AP2B1: variants seen among roughly 807,000 people sequenced by gnomAD.
AP2B1 encodes the protein adaptor related protein complex 2 subunit beta 1, also known as AP-2 complex subunit beta.
A neutral mutation model predicts 102.0 loss-of-function variants in AP2B1; 23 were observed. The ratio of observed to expected loss-of-function variants is 0.23; its 90% confidence interval spans 0.16 to 0.32. AP2B1 has a LOEUF of 0.32. Among genes scored for constraint, AP2B1 ranks in the 10% least tolerant of loss-of-function variants. The pLI, the probability that AP2B1 is intolerant of heterozygous loss-of-function variation, is 1.00. For missense variants in AP2B1, 541 were observed against 1,157.4 expected, an observed-to-expected ratio of 0.47 and a Z score of 7.73; for synonymous variants, 381 against 421.2, an observed-to-expected ratio of 0.90 and a Z score of 1.17.
At chr17:35,668,127 G>A (rs1437397015) in intron 14 of AP2B1, among the ~76,000 whole-genome samples, 4 of 151,542 alleles carry the variant, frequency 2.6e-5, no homozygotes, top group Non-Finnish European at 5.9e-5. Flanking sequence ...TAGTAGAGAC[G>A]GGTTTCACCA....
At chr17:35,690,631 T>C (rs2076022263) in intron 18 of AP2B1, among the ~76,000 whole-genome samples, 1 of 152,132 alleles carries the variant, frequency 6.6e-6, no homozygotes, top group African/African-American at 2.4e-5. Flanking sequence ...TTTTTAACAC[T>C]CTCCTCCTCT....
intron 16 of AP2B1, among the ~76,000 whole-genome samples, chr17:35,673,057 T>A (rs559524573): frequency 1.3e-5 from 2 of 152,250 alleles, no homozygotes; most frequent in East Asian, 3.9e-4. Context: ...ATTTAATCAC[T>A]CCTCTGTTGA....
chr17:35,711,537 C>T (rs1426686006), intron 20 of AP2B1, among the ~76,000 whole-genome samples: 2 of 151,768 alleles, frequency 1.3e-5, no homozygotes, highest in African/African-American at 4.8e-5. Flanking sequence ...GGCACAATCT[C>T]GGCTCACTGC....
intron 9 of AP2B1, among the ~76,000 whole-genome samples, chr17:35,631,723 A>G (rs190488238): frequency 6.6e-6 from 1 of 152,038 alleles, no homozygotes; most frequent in Admixed American, 6.6e-5. Context: ...AGTTGTTTCT[A>G]CTCTTTTTCC....
chr17:35,719,952 C>T (rs781814873), intron 21 of AP2B1, among the ~76,000 whole-genome samples: 2 of 152,166 alleles, frequency 1.3e-5, no homozygotes, highest in Non-Finnish European at 2.9e-5. Context: ...TTCAAATCTT[C>T]ATGTTTACTT....
At chr17:35,611,197 A>C (rs1247216569) in intron 5 of AP2B1, among the ~76,000 whole-genome samples, 1 of 152,246 alleles carries the variant, frequency 6.6e-6, no homozygotes, top group Admixed American at 6.5e-5. Context: ...GCAACTATCT[A>C]TAATTCTCTA....
At chr17:35,628,502 C>T (rs1373117961) in intron 9 of AP2B1, among the ~76,000 whole-genome samples, 4 of 152,194 alleles carry the variant, frequency 2.6e-5, no homozygotes, top group Non-Finnish European at 4.4e-5. Flanking sequence ...ACTTGGAAGG[C>T]TGAGGCAGGA....
chr17:35,723,262 A>G (rs2085456128), intron 21 of AP2B1, among the ~76,000 whole-genome samples: 1 of 152,262 alleles, frequency 6.6e-6, no homozygotes, highest in South Asian at 2.1e-4. Context: ...TGAAAGGACC[A>G]TCAACAAGTT....
At chr17:35,723,053 G>C (rs1461779716) in intron 21 of AP2B1, among the ~76,000 whole-genome samples, 1 of 152,134 alleles carries the variant, frequency 6.6e-6, no homozygotes, top group Non-Finnish European at 1.5e-5. Context: ...ATTGAGGTTG[G>C]GTTATACTAA....
At chr17:35,709,166 T>C (rs1555586196) in intron 18 of AP2B1, 58 bp from the exon 19 acceptor site, 1 of 1,471,100 alleles carries the variant, frequency 6.8e-7, no homozygotes, top group African/African-American at 1.4e-5. Flanking sequence ...GCGCTGTTCT[T>C]TTCCTCCTAC....
chr17:35,705,661 A>G (rs1407066072), intron 18 of AP2B1, among the ~76,000 whole-genome samples: 1 of 152,080 alleles, frequency 6.6e-6, no homozygotes, highest in African/African-American at 2.4e-5. Context: ...AGCTGGGACT[A>G]CAGGTGCATG....
chr17:35,655,594 C>T (rs570041141), intron 13 of AP2B1, among the ~76,000 whole-genome samples: 1 of 152,076 alleles, frequency 6.6e-6, no homozygotes, highest in Non-Finnish European at 1.5e-5. Context: ...TTTGTGGCTG[C>T]TGTGAATATT....
intron 12 of AP2B1, among the ~76,000 whole-genome samples, chr17:35,646,352 G>A (rs2074932509): frequency 6.6e-6 from 1 of 151,722 alleles, no homozygotes; most frequent in African/African-American, 2.4e-5. Context: ...CTGGCTTACA[G>A]TAGGCCTAAC....
At chr17:35,693,530 A>C (rs772023759) in intron 18 of AP2B1, among the ~76,000 whole-genome samples, 1 of 152,012 alleles carries the variant, frequency 6.6e-6, no homozygotes, top group Non-Finnish European at 1.5e-5. Flanking sequence ...AAAGGCATTT[A>C]TATAATGTCA....
intron 18 of AP2B1, among the ~76,000 whole-genome samples, chr17:35,697,983 CT>C (rs1004693130): frequency 7.8e-4 from 118 of 152,176 alleles, no homozygotes; most frequent in African/African-American, 2.6e-3. Context: ...AAAAAGTTGT[CT>C]TTTAGCAATA....
intron 13 of AP2B1, among the ~76,000 whole-genome samples, chr17:35,655,708 G>C (rs1442834984): frequency 6.6e-6 from 1 of 152,194 alleles, no homozygotes; most frequent in Non-Finnish European, 1.5e-5. Context: ...AGCTGTAGGA[G>C]ACACTGCCAA....
chr17:35,639,759 A>C lies in AP2B1; in HGVS notation c.1436A>C (p.Gln479Pro). Residue 479 changes from glutamine (Q) to proline (P), a missense_variant and splice_region_variant, in exon 11 of 22, where the codon CAG becomes CCG. Around this residue, in one of 10 missense-constraint regions of AP2B1, gnomAD observed 106 missense variants for 296.4 expected, o/e 0.36. Coordinates refer to ENST00000610402, the MANE Select transcript of AP2B1 (RefSeq NM_001030006.2). ...GAGGGTTTTCACGATGAAAGCACCC[A>C]GGTAAGTTCTTGTCTCTTGTCTATC... ...FLEGFHDEST[Q>P]VQLTLLTAIV... 6.2e-7 allele frequency: 1 copy of C among 1,613,332 alleles called. No homozygotes were observed. Among genetic ancestry groups the C allele is most frequent in the Non-Finnish European group, 8.5e-7 (1 of 1,179,572 alleles).
At chr17:35,702,703 C>T (rs1436208229) in intron 18 of AP2B1, among the ~76,000 whole-genome samples, 1 of 152,002 alleles carries the variant, frequency 6.6e-6, no homozygotes, top group Non-Finnish European at 1.5e-5. Context: ...AGTGGAGAGG[C>T]AGAGAGACTG....
intron 12 of AP2B1, among the ~76,000 whole-genome samples, chr17:35,646,830 C>T (rs964503588): frequency 2.0e-5 from 3 of 152,092 alleles, no homozygotes; most frequent in African/African-American, 7.2e-5. Flanking sequence ...CTCAAGTGAT[C>T]AGCCTACCTT....
Sources: allele counts gnomAD v4.1 joint callset (sites outside exome capture counted in the v4.1 genomes callset), GRCh38; gene constraint gnomAD v4.1.1; regional missense constraint gnomAD v4.1.1; transcripts MANE v1.5; gene names NCBI Gene and HGNC (gene_info 2026-07-23, HGNC 2026-07-21).